Variants in TBC1D5 observed in about 807,000 individuals in gnomAD.
TBC1D5 encodes the protein TBC1 domain family member 5, also known as TBC1 domain family, member 5.
In TBC1D5, 75 loss-of-function variants were observed where a neutral mutation model predicts 100.3. That is an observed-to-expected ratio of 0.75 (90% CI 0.62 to 0.91). TBC1D5 has a LOEUF of 0.91. TBC1D5 is among the 40% of genes least tolerant of loss of function. The probability of loss-of-function intolerance (pLI) is 0.00; values close to 1 mark genes in which losing one functional copy is unlikely to be tolerated. For synonymous variants in TBC1D5, 323 were observed against 325.6 expected, an observed-to-expected ratio of 0.99 and a Z score of 0.09; for missense variants, 910 against 942.4, an observed-to-expected ratio of 0.97 and a Z score of 0.45.
At chr3:17,166,056 A>G (rs4685441) in intron 21 of TBC1D5, among the ~76,000 whole-genome samples, 30,349 of 152,176 alleles carry the variant, frequency 0.2, 3,680 homozygotes, top group East Asian at 0.57. Context: ...AATAAATTAT[A>G]TACAATGTTG....
intron 14 of TBC1D5, among the ~76,000 whole-genome samples, chr3:17,299,798 G>T (rs2082638082): frequency 2.2e-5 from 3 of 139,462 alleles, no homozygotes; most frequent in Middle Eastern, 9.1e-3. Flanking sequence ...GGCGGAGCTT[G>T]CAGTGAGCCG....
intron 3 of TBC1D5, among the ~76,000 whole-genome samples, chr3:17,455,528 A>ATGTGTG (rs1466571973): frequency 0.014 from 1,460 of 102,616 alleles, 18 homozygotes; most frequent in Non-Finnish European, 0.019. Context: ...ATATATATAT[A>ATGTGTG]TATGTGTGTG....
intron 15 of TBC1D5, among the ~76,000 whole-genome samples, chr3:17,274,378 C>T (rs2079756737): frequency 6.6e-6 from 1 of 152,100 alleles, no homozygotes; most frequent in Admixed American, 6.6e-5. Context: ...AACTCAAATA[C>T]AAGAAAGTTC....
At chr3:17,269,297 G>A (rs1248631919) in intron 15 of TBC1D5, among the ~76,000 whole-genome samples, 3 of 152,102 alleles carry the variant, frequency 2.0e-5, no homozygotes, top group Non-Finnish European at 2.9e-5. Context: ...GAAGTAAGTT[G>A]TCTACTTCTG....
chr3:17,726,448 T>C (rs1577832584), intron 1 of TBC1D5, among the ~76,000 whole-genome samples: 1 of 152,382 alleles, frequency 6.6e-6, no homozygotes, highest in East Asian at 1.9e-4. Flanking sequence ...TGATTTGCAT[T>C]TCCCTAATGA....
chr3:17,596,066 G>A (rs1201451799), intron 2 of TBC1D5, among the ~76,000 whole-genome samples: 1 of 152,046 alleles, frequency 6.6e-6, no homozygotes. Flanking sequence ...AAATTTCATG[G>A]TATAGAGAAT....
At position 17,356,016 on chromosome 3, in the gene TBC1D5, A is replaced by C. The variant is rs561282264; in HGVS notation, c.995+16059T>G. 1.2e-4 allele frequency among the ~76,000 whole-genome samples: 19 copies of C among 152,288 alleles called. No homozygotes were observed. In the South Asian group the frequency reaches 3.9e-3, roughly 32 times the overall value. On this transcript the variant is annotated intron_variant, in intron 13 of 21. Coordinates refer to ENST00000253692, the Ensembl canonical transcript of TBC1D5. The stretch of plus-strand genomic sequence containing the variant: ...TGTTACAATGACCATGCTTTAGAAA[A>C]ACCATAATCATTTTTAATATTAAAA...
intron 17 of TBC1D5, among the ~76,000 whole-genome samples, chr3:17,231,229 C>T (rs1439996977): frequency 6.6e-6 from 1 of 151,962 alleles, no homozygotes; most frequent in African/African-American, 2.4e-5. Context: ...CAAAGGTTTC[C>T]GGGGGTAAGT....
chr3:17,370,240 A>G (rs1053129813), intron 13 of TBC1D5, among the ~76,000 whole-genome samples: 10 of 152,210 alleles, frequency 6.6e-5, no homozygotes, highest in African/African-American at 2.4e-4. Flanking sequence ...AAGGCAAAAA[A>G]TTATAAAGCA....
chr3:17,432,699 T>C (rs556972291), intron 3 of TBC1D5, among the ~76,000 whole-genome samples: 80 of 152,314 alleles, frequency 5.3e-4, no homozygotes, highest in African/African-American at 1.6e-3. Flanking sequence ...AAACGTAAAA[T>C]AGAAATTCAT....
chr3:17,495,379 G>A (rs2095693471), intron 3 of TBC1D5, among the ~76,000 whole-genome samples: 1 of 152,164 alleles, frequency 6.6e-6, no homozygotes, highest in South Asian at 2.1e-4. Flanking sequence ...ATCAAATTAG[G>A]TAAACAGATT....
chr3:17,454,335 T>C (rs893392979), intron 3 of TBC1D5, among the ~76,000 whole-genome samples: 4 of 152,184 alleles, frequency 2.6e-5, no homozygotes, highest in Non-Finnish European at 4.4e-5. Context: ...CAAATTATCC[T>C]TGTTTGCAAA....
At chr3:17,214,494 A>G in intron 17 of TBC1D5, 124 bp from the exon 19 acceptor site, 1 of 990,004 alleles carries the variant, frequency 1.0e-6, no homozygotes, top group Non-Finnish European at 1.5e-6. Context: ...CAACATAATG[A>G]CACTATGGAG....
chr3:17,378,921 CATCTTCT>C (rs1286996264), intron 9 of TBC1D5, among the ~76,000 whole-genome samples: 1 of 151,754 alleles, frequency 6.6e-6, no homozygotes, highest in Admixed American at 6.6e-5. Context: ...CTGAATAACC[CATCTTCT>C]CCCCAGAGTT....
intron 16 of TBC1D5, among the ~76,000 whole-genome samples, chr3:17,244,838 A>C (rs2149171208): frequency 6.6e-6 from 1 of 152,170 alleles, no homozygotes; most frequent in East Asian, 1.9e-4. Flanking sequence ...TAATACTTTC[A>C]AGATGATTCT....
In TBC1D5 at chr3:17,665,923, A is replaced by G. The variant is rs1342874175; in HGVS notation, c.-100-42010T>C. Reference sequence around the variant, plus strand: ...GTCTTTTGTGTGTGTGACCCTTTAGACACTCCAGCTGAAATCCTTTTCCAA... The same window carrying G: ...GTCTTTTGTGTGTGTGACCCTTTAGGCACTCCAGCTGAAATCCTTTTCCAA... On this transcript the variant is annotated intron_variant, in intron 1 of 21. Transcript: ENST00000253692. Among the ~76,000 whole-genome samples, 4 of 152,266 alleles carry G rather than the reference A, an allele frequency of 2.6e-5. No homozygotes were observed. In the East Asian group the frequency reaches 7.7e-4, roughly 29 times the overall value.
chr3:17,422,512 A>C (rs1250941745), intron 4 of TBC1D5, among the ~76,000 whole-genome samples: 1 of 152,076 alleles, frequency 6.6e-6, no homozygotes, highest in East Asian at 1.9e-4. Flanking sequence ...ATATTCTTAA[A>C]AATAACATGA....
At chr3:17,455,478 ATG>A (rs1559924605) in intron 3 of TBC1D5, among the ~76,000 whole-genome samples, 1,782 of 143,908 alleles carry the variant, frequency 0.012, 31 homozygotes, top group African/African-American at 0.044. Flanking sequence ...GTGTATATAT[ATG>A]TATATATATG....
At chr3:17,256,223 G>A (rs7635572) in intron 16 of TBC1D5, among the ~76,000 whole-genome samples, 2 of 151,780 alleles carry the variant, frequency 1.3e-5, no homozygotes, top group Non-Finnish European at 2.9e-5. Context: ...TCCCAGCACC[G>A]TCTATTAACT....
Sources: allele counts gnomAD v4.1 joint callset (sites outside exome capture counted in the v4.1 genomes callset), GRCh38; gene constraint gnomAD v4.1.1; transcripts MANE v1.5; gene names NCBI Gene and HGNC (gene_info 2026-07-23, HGNC 2026-07-21).